Variants in ATP8A1 observed in about 807,000 individuals in gnomAD.
The protein encoded by ATP8A1 is phospholipid-transporting ATPase IA.
A neutral mutation model predicts 177.7 loss-of-function variants in ATP8A1; 90 were observed. That is an observed-to-expected ratio of 0.51 (90% CI 0.43 to 0.60). The LOEUF is 0.60. Among genes scored for constraint, ATP8A1 ranks in the 20% least tolerant of loss-of-function variants. The pLI is 0.00. For missense variants in ATP8A1, 1,072 were observed against 1,392.8 expected (o/e 0.77, Z 3.67); for synonymous variants, 493 against 485.9 (o/e 1.01, Z -0.19).
chr4:42,627,210 T>C, intron 1 of ATP8A1, 101 bp from the exon 2 acceptor site: 7 of 762,972 alleles, frequency 9.2e-6, no homozygotes, highest in Non-Finnish European at 1.5e-5. Flanking sequence ...TAAAAGCTAC[T>C]TGCTTCCCCT....
In ATP8A1 at chr4:42,454,503, T is replaced by C. The variant is rs190202696; in HGVS notation, c.2817+794A>G. Among the ~76,000 whole-genome samples the C allele has an allele frequency of 1.6e-4, 25 of 152,352 alleles. No homozygotes were observed. The East Asian group carries it at 3.7e-3, about 22-fold the overall frequency. On this transcript the variant is annotated intron_variant, in intron 29 of 36. Coordinates refer to ENST00000381668, the MANE Select transcript of ATP8A1 (RefSeq NM_006095.2). ...ATTTGTTGCTTTCATAACACTAATA[T>C]ACAAATGTTAGTTTCAAAATGACAC...
chr4:42,592,984 T>G (rs986491234), intron 6 of ATP8A1, among the ~76,000 whole-genome samples: 1 of 152,160 alleles, frequency 6.6e-6, no homozygotes, highest in African/African-American at 2.4e-5. Flanking sequence ...TAAAACTGAA[T>G]GGACACCATT....
intron 1 of ATP8A1, among the ~76,000 whole-genome samples, chr4:42,643,831 G>T (rs1740251446): frequency 6.6e-6 from 1 of 152,154 alleles, no homozygotes; most frequent in Non-Finnish European, 1.5e-5. Flanking sequence ...GCTCAAGGCC[G>T]CACAGCTTTG....
chr4:42,435,706 G>A (rs1179996197), intron 33 of ATP8A1, among the ~76,000 whole-genome samples: 15 of 152,066 alleles, frequency 9.9e-5, no homozygotes, highest in East Asian at 5.8e-4. Flanking sequence ...GGAAAATCCC[G>A]TTGCCACCTT....
Position 42,624,600 on chromosome 4 carries a change from G to T in ATP8A1, c.299C>A (p.Thr100Lys). 1 of 1,474,576 alleles carries T rather than the reference G, an allele frequency of 6.8e-7. No individual in the cohort carries two copies. The highest frequency in any genetic ancestry group is 9.0e-7 in the Non-Finnish European group (1 of 1,107,602). 91.3% of individuals were successfully genotyped at this position (1,474,576 alleles called of 1,614,324 possible). The change falls in exon 4 of 37, where the codon ACA becomes AAA. Residue 100 changes from threonine to lysine, a missense_variant. By Grantham distance (78) the Thr-to-Lys change is moderately conservative. Transcript: ENST00000381668. ...IPDVSPTGRY[T>K]TLVPLLFILA... ...AATAAATAAGAGAGGAACCAGTGTT[G>T]TATAACGACCTGTTGGTGACACATC...
intron 19 of ATP8A1, among the ~76,000 whole-genome samples, chr4:42,545,073 T>A (rs932513175): frequency 6.8e-6 from 1 of 147,840 alleles, no homozygotes; most frequent in African/African-American, 2.5e-5. Context: ...GGCAGAAGAA[T>A]CGCTCGAACC....
chr4:42,418,182 C>T lies in ATP8A1; in HGVS notation c.3306-3464G>A, dbSNP rs550670763. Among the ~76,000 whole-genome samples, 22 of 152,248 alleles carry T rather than the reference C, an allele frequency of 1.4e-4. No individual in the cohort carries two copies. The South Asian group carries it at 4.4e-3, about 30-fold the overall frequency. ...ACCGAGTTCTCTGACACCTCATATT[C>T]CCTACTCTCCCTGCATGCAAAAGCT... is the stretch of plus-strand genomic sequence containing the variant. On this transcript the variant is annotated intron_variant, in intron 35 of 36. Transcript: ENST00000381668.
chr4:42,652,361 G>A (rs1229914295), intron 1 of ATP8A1, among the ~76,000 whole-genome samples: 2 of 152,152 alleles, frequency 1.3e-5, no homozygotes, highest in Non-Finnish European at 2.9e-5. Context: ...TCACAAGCCA[G>A]CCCAATAAGA....
chr4:42,423,686 G>T lies in ATP8A1; in HGVS notation c.3143C>A (p.Ser1048Tyr). 1 of 1,612,134 alleles carries T rather than the reference G, an allele frequency of 6.2e-7. No homozygotes were observed. Among genetic ancestry groups the T allele is most frequent in the Non-Finnish European group, 8.5e-7 (1 of 1,179,142 alleles). Residue 1048 changes from serine to tyrosine, a missense_variant, in exon 34 of 37, where the codon TCT (serine) becomes TAT (tyrosine). This residue lies in a region of ATP8A1 where 316 missense variants were observed against 459.1 expected (regional missense o/e 0.69). Coordinates refer to ENST00000381668, the MANE Select transcript of ATP8A1 (RefSeq NM_006095.2). ...TAACAAGCCCATCCAAAAGACTCCA[G>T]AACTGAACAACATGGCTGCCTGTGT... Reference protein sequence around the residue: ...MSGEAAMLFSSGVFWMGLLFI... With the variant: ...MSGEAAMLFSYGVFWMGLLFI...
intron 25 of ATP8A1, among the ~76,000 whole-genome samples, chr4:42,484,285 G>A (rs1721985545): frequency 6.6e-6 from 1 of 152,030 alleles, no homozygotes; most frequent in Admixed American, 6.5e-5. Flanking sequence ...TTAAACATCT[G>A]TACAATATAT....
At chr4:42,524,442 CT>C (rs893166451) in intron 21 of ATP8A1, among the ~76,000 whole-genome samples, 1 of 144,410 alleles carries the variant, frequency 6.9e-6, no homozygotes, top group African/African-American at 2.5e-5. Flanking sequence ...TTGAGTCTTG[CT>C]TCTTTTCCTA....
intron 15 of ATP8A1, among the ~76,000 whole-genome samples, chr4:42,565,222 A>G (rs1323999059): frequency 6.6e-6 from 1 of 152,234 alleles, no homozygotes; most frequent in East Asian, 1.9e-4. Flanking sequence ...TCTAAAGGCA[A>G]TTACAAAAGA....
chr4:42,637,381 T>A (rs189950901), intron 1 of ATP8A1, among the ~76,000 whole-genome samples: 6 of 152,284 alleles, frequency 3.9e-5, no homozygotes, highest in African/African-American at 1.4e-4. Context: ...GTTTTCCACA[T>A]CCCTACCTTC....
intron 25 of ATP8A1, among the ~76,000 whole-genome samples, chr4:42,477,651 T>C (rs576574844): frequency 6.6e-6 from 1 of 152,140 alleles, no homozygotes; most frequent in East Asian, 1.9e-4. Context: ...TGTATATGCA[T>C]TAGTGTAATA....
At chr4:42,505,032 TC>T (rs1332449315) in intron 23 of ATP8A1, among the ~76,000 whole-genome samples, 1 of 152,226 alleles carries the variant, frequency 6.6e-6, no homozygotes, top group Non-Finnish European at 1.5e-5. Context: ...TAAAACTGAA[TC>T]CCTCTGTGCA....
intron 27 of ATP8A1, among the ~76,000 whole-genome samples, chr4:42,463,465 T>C (rs962414145): frequency 2.0e-5 from 3 of 152,202 alleles, no homozygotes; most frequent in African/African-American, 2.4e-5. Flanking sequence ...TCCCCAGCCA[T>C]GTGGAACTGT....
At chr4:42,542,230 C>G (rs1728463794) in intron 20 of ATP8A1, among the ~76,000 whole-genome samples, 1 of 151,814 alleles carries the variant, frequency 6.6e-6, no homozygotes, top group Admixed American at 6.6e-5. Context: ...TTTTTCAGAA[C>G]AGCAAAAATA....
At chr4:42,463,579 A>G (rs917479253) in intron 27 of ATP8A1, among the ~76,000 whole-genome samples, 1 of 152,214 alleles carries the variant, frequency 6.6e-6, no homozygotes, top group Non-Finnish European at 1.5e-5. Context: ...GACAGGAACC[A>G]TGCTTGATTT....
intron 33 of ATP8A1, among the ~76,000 whole-genome samples, chr4:42,430,492 T>C (rs529931834): frequency 3.1e-4 from 47 of 151,904 alleles, no homozygotes; most frequent in Admixed American, 4.6e-4. Context: ...TTTTTTTTTT[T>C]CTCCAACTTT....
Sources: gnomAD v4.1 joint callset for allele counts (sites outside exome capture counted in the v4.1 genomes callset) on GRCh38, gnomAD v4.1.1 for gene constraint, gnomAD v4.1.1 regional missense constraint, MANE v1.5 for transcripts, NCBI Gene and HGNC (gene_info 2026-07-23, HGNC 2026-07-21) for gene names.